TMEM26: variants seen among roughly 807,000 people sequenced by gnomAD.
The protein encoded by TMEM26 is transmembrane protein 26.
A neutral mutation model predicts 28.8 loss-of-function variants in TMEM26; 38 were observed. The ratio of observed to expected loss-of-function variants is 1.32; its 90% CI spans 1.02 to 1.73. The LOEUF is 1.73. Ranked by LOEUF, TMEM26 falls within the 40% of genes most tolerant of loss-of-function variation. The pLI is 0.00. For synonymous variants in TMEM26, 227 were observed against 182.9 expected, an observed-to-expected ratio of 1.24 and a Z score of -1.95; for missense variants, 518 against 447.1, an observed-to-expected ratio of 1.16 and a Z score of -1.43.
At chr10:61,446,076 G>A (rs1212405250) in intron 1 of TMEM26, among the ~76,000 whole-genome samples, 1 of 152,098 alleles carries the variant, frequency 6.6e-6, no homozygotes, top group African/African-American at 2.4e-5. Flanking sequence ...CATAAAGAAA[G>A]CATAGCCATC....
Position 61,453,223 on chromosome 10 carries a change from C to T in TMEM26, c.-142G>A. 2.4e-6 allele frequency: 2 copies of T among 834,524 alleles called. No homozygotes were observed. Among genetic ancestry groups the T allele is most frequent in the South Asian group, 1.7e-5 (1 of 57,336 alleles). The allele number at this position is 834,524 out of a possible 1,614,324, so 51.7% of individuals were successfully genotyped here. On this transcript the variant is annotated 5_prime_UTR_variant, in exon 1 of 6. Transcript: ENST00000399298. ...GTGGTCCCTTCTCACCCTCAGCGCC[C>T]GATGCCGGTAGAACTGGTGCGCGGC...
At chr10:61,438,091 T>C (rs2135323247) in intron 1 of TMEM26, among the ~76,000 whole-genome samples, 1 of 152,190 alleles carries the variant, frequency 6.6e-6, no homozygotes, top group African/African-American at 2.4e-5. Flanking sequence ...TTTCAATTCC[T>C]AGAGAGAGGA....
chr10:61,437,512 G>T (rs1289032119), intron 1 of TMEM26, among the ~76,000 whole-genome samples: 1 of 152,120 alleles, frequency 6.6e-6, no homozygotes, highest in Non-Finnish European at 1.5e-5. Context: ...GTCTGGGCAC[G>T]GTGGCTCAGG....
At position 61,410,587 on chromosome 10, in the gene TMEM26, A is replaced by G; in HGVS notation, c.842T>C (p.Val281Ala). The G allele has an allele frequency of 6.2e-7, 1 of 1,614,134 alleles. No individual in the cohort carries two copies. The highest frequency in any genetic ancestry group is 2.2e-5 in the East Asian group (1 of 44,858). ...AAAGAACACCAGCATCTGATTGATC[A>G]CTTTGAAATAGGTCATCAGTATGAG... ...VRLILMTYFK[V>A]INQMLVFFAA... The change falls in exon 6 of 6, where the codon GTG becomes GCG. Residue 281 changes from valine (V) to alanine (A), a missense_variant. Transcript: ENST00000399298.
chr10:61,410,864 A>C (rs1402735136), intron 5 of TMEM26, 118 bp from the exon 6 acceptor site: 14 of 1,045,446 alleles, frequency 1.3e-5, no homozygotes, highest in African/African-American at 1.6e-5. Flanking sequence ...CTGTGATTTA[A>C]TTACAGGATG....
chr10:61,413,383 C>A (rs1839599509), intron 5 of TMEM26, 76 bp downstream of exon 5: 9 of 1,564,262 alleles, frequency 5.8e-6, no homozygotes, highest in Non-Finnish European at 6.9e-6. Flanking sequence ...CTTTCACTTG[C>A]CTTCTTAGTT....
rs1839527613 is a variant in TMEM26, at chr10:61,408,835, G to A, written c.*1487C>T. ...CAATGGCACTGAAGAAGCCATTTAT[G>A]AGAAAATATGCATGACTCTGTATAA... On this transcript the variant is annotated 3_prime_UTR_variant, in exon 6 of 6. Transcript: ENST00000399298. 6.6e-6 allele frequency: 1 copy of A among 152,214 alleles called. No homozygotes were observed. The highest frequency in any genetic ancestry group is 1.5e-5 in the Non-Finnish European group (1 of 68,036). 9.4% of individuals were successfully genotyped at this position (152,214 alleles called of 1,614,324 possible).
rs1303250307 is a variant in TMEM26, at chr10:61,413,395, T to A, written c.682+64A>T. The A allele has an allele frequency of 4.4e-6, 7 of 1,584,284 alleles. No individual in the cohort carries two copies. In the South Asian group the frequency reaches 7.0e-5, roughly 16 times the overall value. ...ATCCTTTCACTTGCCTTCTTAGTTT[T>A]AGCATAGTTAATAATCAAGAGGTGT... On this transcript the variant is annotated intron_variant, in intron 5 of 5. Coordinates refer to ENST00000399298, the MANE Select transcript of TMEM26 (RefSeq NM_178505.8).
intron 1 of TMEM26, among the ~76,000 whole-genome samples, chr10:61,444,305 A>G (rs1187213579): frequency 2.0e-5 from 3 of 152,228 alleles, no homozygotes; most frequent in African/African-American, 7.2e-5. Flanking sequence ...AAATGAACTT[A>G]TATTGCTGCC....
rs1014912871 is a variant in TMEM26, at chr10:61,406,867, A to C, written c.*3455T>G. On this transcript the variant is annotated 3_prime_UTR_variant, in exon 6 of 6. Transcript: ENST00000399298. ...ATATGGAAACTTATTTGAAGCCTCA[A>C]AGCTGTAAACATCCTCCAGCCGCCT... The C allele has an allele frequency of 6.6e-6, 1 of 152,120 alleles. No homozygotes were observed. Among genetic ancestry groups the C allele is most frequent in the African/African-American group, 2.4e-5 (1 of 41,446 alleles). The allele number at this position is 152,120 out of a possible 1,614,324, so 9.4% of individuals were successfully genotyped here. A position where few individuals can be genotyped will look rare whatever the true frequency, so the allele number is the denominator to read the frequency against.
At chr10:61,420,835 C>T (rs1839733791) in intron 4 of TMEM26, among the ~76,000 whole-genome samples, 1 of 151,436 alleles carries the variant, frequency 6.6e-6, no homozygotes, top group South Asian at 2.1e-4. Flanking sequence ...CTGAAATCCA[C>T]ATGGAGAAAT....
At chr10:61,435,245 A>G (rs1459767342) in intron 2 of TMEM26, among the ~76,000 whole-genome samples, 1 of 152,124 alleles carries the variant, frequency 6.6e-6, no homozygotes, top group Admixed American at 6.6e-5. Flanking sequence ...GCAGTGGTAC[A>G]ATCTCGGCTC....
rs1378161263 is a variant in TMEM26, at chr10:61,436,199, A to G, written c.241T>C (p.Trp81Arg). 6.2e-7 allele frequency: 1 copy of G among 1,610,858 alleles called. No individual in the cohort carries two copies. Among genetic ancestry groups the G allele is most frequent in the Non-Finnish European group, 8.5e-7 (1 of 1,178,072 alleles). Residue 81 changes from tryptophan (W) to arginine (R), a missense_variant, in exon 2 of 6, where the codon TGG becomes CGG. Physicochemically the swap from Trp to Arg is moderately radical, Grantham distance 101. Transcript: ENST00000399298. ...GTCTCATGGTGCAATTCAAGAAGCCATAATGATGGAACGATGCTAATCAGA... is the reference window on the plus strand; with the variant it reads ...GTCTCATGGTGCAATTCAAGAAGCCGTAATGATGGAACGATGCTAATCAGA... ...LYLISIVPSL[W>R]LLELHHETQY...
At chr10:61,449,671 G>T (rs1840244062) in intron 1 of TMEM26, among the ~76,000 whole-genome samples, 1 of 152,148 alleles carries the variant, frequency 6.6e-6, no homozygotes, top group South Asian at 2.1e-4. Context: ...TCAAAGAAAA[G>T]AACTTTTCCA....
chr10:61,427,375 C>A (rs1423261935), intron 4 of TMEM26, among the ~76,000 whole-genome samples: 1 of 151,964 alleles, frequency 6.6e-6, no homozygotes, highest in Non-Finnish European at 1.5e-5. Flanking sequence ...ACAATTTGTT[C>A]CCCAATCTCT....
intron 1 of TMEM26, among the ~76,000 whole-genome samples, chr10:61,442,121 TAC>T (rs1840104839): frequency 6.6e-6 from 1 of 152,210 alleles, no homozygotes; most frequent in Non-Finnish European, 1.5e-5. Flanking sequence ...TTAAAAGCTT[TAC>T]TCATTGCTTT....
intron 1 of TMEM26, among the ~76,000 whole-genome samples, chr10:61,447,387 A>G (rs1840202238): frequency 6.6e-6 from 1 of 152,236 alleles, no homozygotes; most frequent in Non-Finnish European, 1.5e-5. Context: ...GCATCTGTCA[A>G]GTCTAGGTTT....
At chr10:61,412,877 T>A in intron 5 of TMEM26, 1 of 1,219,214 alleles carries the variant, frequency 8.2e-7, no homozygotes, top group Non-Finnish European at 1.1e-6. Context: ...GGAAACAGAT[T>A]ACTTCTTGCA....
chr10:61,446,817 CAAAAAAAAAAAAAAAAAAA>C (rs34030340), intron 1 of TMEM26, among the ~76,000 whole-genome samples: 17 of 33,948 alleles, frequency 5.0e-4, no homozygotes, highest in Admixed American at 1.8e-3. Flanking sequence ...GACTCCATCT[CAAAAAAAAAAAAAAAAAAA>C]AAAAAAAAAA....
Sources: gnomAD v4.1 joint callset for allele counts (sites outside exome capture counted in the v4.1 genomes callset) on GRCh38, gnomAD v4.1.1 for gene constraint, MANE v1.5 for transcripts, NCBI Gene and HGNC (gene_info 2026-07-23, HGNC 2026-07-21) for gene names.